Variants in ZNF385B observed in about 807,000 individuals in gnomAD.
ZNF385B encodes the protein zinc finger protein 385B.
ZNF385B carries 23 observed loss-of-function variants against 39.2 expected under a neutral mutation model. That is an observed-to-expected ratio of 0.59 (90% CI 0.42 to 0.83). The LOEUF is 0.83. Among genes scored for constraint, ZNF385B ranks in the 40% least tolerant of loss-of-function variants. The pLI is 0.00. For missense variants in ZNF385B, 552 were observed against 598.9 expected (o/e 0.92, Z 0.82); for synonymous variants, 205 against 222.6 (o/e 0.92, Z 0.70).
At chr2:179,543,055 T>C (rs756296552) in intron 4 of ZNF385B, among the ~76,000 whole-genome samples, 5 of 152,306 alleles carry the variant, frequency 3.3e-5, no homozygotes, top group Non-Finnish European at 7.4e-5. Context: ...GTGAATCACC[T>C]GAGGCCAGGA....
intron 6 of ZNF385B, among the ~76,000 whole-genome samples, chr2:179,461,930 A>G (rs967650391): frequency 1.3e-5 from 2 of 152,198 alleles, no homozygotes; most frequent in Non-Finnish European, 2.9e-5. Context: ...ATCTTCTGAA[A>G]TAAGCCTTCC....
chr2:179,562,195 C>T (rs998318425), intron 3 of ZNF385B, among the ~76,000 whole-genome samples: 1 of 152,116 alleles, frequency 6.6e-6, no homozygotes, highest in African/African-American at 2.4e-5. Flanking sequence ...TAAAGTGGCT[C>T]AGTAGTACAA....
chr2:179,545,899 CA>C (rs2060201439), intron 3 of ZNF385B, among the ~76,000 whole-genome samples: 1 of 152,140 alleles, frequency 6.6e-6, no homozygotes, highest in Admixed American at 6.5e-5. Context: ...GCATTACAAA[CA>C]ATCCAATTAT....
At chr2:179,619,821 A>G (rs1240203142) in intron 3 of ZNF385B, among the ~76,000 whole-genome samples, 1 of 152,206 alleles carries the variant, frequency 6.6e-6, no homozygotes, top group Non-Finnish European at 1.5e-5. Flanking sequence ...AAAATAAATA[A>G]AAGTCACATT....
intron 3 of ZNF385B, among the ~76,000 whole-genome samples, chr2:179,635,907 G>T (rs988376137): frequency 6.6e-6 from 1 of 151,972 alleles, no homozygotes; most frequent in Non-Finnish European, 1.5e-5. Context: ...TTATTTGTAG[G>T]ACTCTTATGG....
intron 3 of ZNF385B, among the ~76,000 whole-genome samples, chr2:179,555,857 G>A (rs189735771): frequency 6.7e-6 from 1 of 149,120 alleles, no homozygotes; most frequent in African/African-American, 2.5e-5. Flanking sequence ...GGGAAGCTCA[G>A]GGTTCTCCCT....
chr2:179,823,458 T>C (rs1388511108), intron 1 of ZNF385B, among the ~76,000 whole-genome samples: 1 of 152,168 alleles, frequency 6.6e-6, no homozygotes, highest in African/African-American at 2.4e-5. Context: ...CACTATCAAG[T>C]AACATTTTCC....
chr2:179,562,762 C>G (rs1684074865), intron 3 of ZNF385B: 1 of 172,376 alleles, frequency 5.8e-6, no homozygotes, highest in East Asian at 1.9e-4. Context: ...GGAAATAAAG[C>G]AAACTGACAC....
At chr2:179,503,946 T>C (rs995120425) in intron 5 of ZNF385B, among the ~76,000 whole-genome samples, 2 of 149,956 alleles carry the variant, frequency 1.3e-5, no homozygotes, top group Non-Finnish European at 3.0e-5. Flanking sequence ...TACATATGTA[T>C]ACATGTGCCA....
At chr2:179,640,460 T>G (rs950873712) in intron 3 of ZNF385B, among the ~76,000 whole-genome samples, 1 of 151,948 alleles carries the variant, frequency 6.6e-6, no homozygotes, top group Non-Finnish European at 1.5e-5. Flanking sequence ...GAAACATTAA[T>G]CAACATTCTA....
At chr2:179,695,340 G>T (rs1346370148) in intron 3 of ZNF385B, among the ~76,000 whole-genome samples, 1 of 151,990 alleles carries the variant, frequency 6.6e-6, no homozygotes, top group Non-Finnish European at 1.5e-5. Flanking sequence ...AGATAAACTG[G>T]ACTTCATCAA....
intron 1 of ZNF385B, among the ~76,000 whole-genome samples, chr2:179,793,074 A>AT (rs919802081): frequency 1.3e-5 from 2 of 152,220 alleles, no homozygotes; most frequent in Non-Finnish European, 2.9e-5. Flanking sequence ...TCTGGAACAC[A>AT]TTTTGTCATA....
intron 5 of ZNF385B, among the ~76,000 whole-genome samples, chr2:179,504,827 AC>A (rs1486969989): frequency 3.3e-5 from 5 of 151,764 alleles, no homozygotes; most frequent in Admixed American, 6.6e-5. Flanking sequence ...AAAAAAAAAA[AC>A]CAGATCTCAG....
intron 6 of ZNF385B, among the ~76,000 whole-genome samples, chr2:179,468,640 G>A (rs1253512153): frequency 6.6e-6 from 1 of 152,064 alleles, no homozygotes; most frequent in Non-Finnish European, 1.5e-5. Flanking sequence ...TTTGAATTCG[G>A]GTCTCCTCAC....
chr2:179,601,153 ATACAT>A (rs1301958446), intron 3 of ZNF385B, among the ~76,000 whole-genome samples: 2 of 152,206 alleles, frequency 1.3e-5, no homozygotes, highest in African/African-American at 4.8e-5. Context: ...TTTGAAATAT[ATACAT>A]TAGAGACCCT....
chr2:179,611,022 C>T (rs34528783), intron 3 of ZNF385B, among the ~76,000 whole-genome samples: 22,094 of 151,992 alleles, frequency 0.15, 1,876 homozygotes, highest in East Asian at 0.25. Flanking sequence ...CCAATTTAGA[C>T]GCCCTTTCTT....
chr2:179,634,114 T>C (rs1691498408), intron 3 of ZNF385B, among the ~76,000 whole-genome samples: 1 of 152,038 alleles, frequency 6.6e-6, no homozygotes, highest in Non-Finnish European at 1.5e-5. Context: ...ACCTAGAAGA[T>C]AACCTAGGCA....
At chr2:179,576,419 C>T (rs1393157703) in intron 3 of ZNF385B, among the ~76,000 whole-genome samples, 1 of 152,158 alleles carries the variant, frequency 6.6e-6, no homozygotes, top group Non-Finnish European at 1.5e-5. Flanking sequence ...GTTGGGGTAC[C>T]CATGCCCATG....
chr2:179,613,316 C>T (rs573379384), intron 3 of ZNF385B, among the ~76,000 whole-genome samples: 1 of 152,226 alleles, frequency 6.6e-6, no homozygotes, highest in African/African-American at 2.4e-5. Context: ...CTCTCCATAG[C>T]GACCACAGCT....
Sources: allele counts gnomAD v4.1 joint callset (sites outside exome capture counted in the v4.1 genomes callset), GRCh38; gene constraint gnomAD v4.1.1; transcripts MANE v1.5; gene names NCBI Gene and HGNC (gene_info 2026-07-23, HGNC 2026-07-21).